Variants in RPS9 observed in about 807,000 individuals in gnomAD.
RPS9 encodes small ribosomal subunit protein uS4.
In RPS9, 1 loss-of-function variant was observed where a neutral mutation model predicts 16.9. The observed-to-expected ratio is 0.06, with a 90% CI of 0.02 to 0.28. The LOEUF (loss-of-function observed/expected upper bound fraction) is 0.28. RPS9 is among the 10% of genes least tolerant of loss of function. The pLI is 1.00. For missense variants in RPS9, 137 were observed against 273.2 expected (o/e 0.50, Z 3.51); for synonymous variants, 106 against 110.9 (o/e 0.96, Z 0.28).
intron 3 of RPS9, among the ~76,000 whole-genome samples, chr19:54,205,351 G>GT (rs752683639): frequency 3.8e-5 from 5 of 130,808 alleles, no homozygotes; most frequent in Non-Finnish European, 8.9e-5. Context: ...GAAAGGTGTA[G>GT]TAGGGCATCT....
At chr19:54,201,418 C>T in intron 2 of RPS9, 69 bp from the exon 3 acceptor site, 4 of 1,609,154 alleles carry the variant, frequency 2.5e-6, no homozygotes, top group Non-Finnish European at 3.4e-6. Context: ...TTTGTGATTC[C>T]AAAGCTGCCA....
At chr19:54,203,132 T>C (rs888617813) in intron 3 of RPS9, 2 of 966,564 alleles carry the variant, frequency 2.1e-6, no homozygotes, top group Non-Finnish European at 2.5e-6. Flanking sequence ...TAGCTGGTTC[T>C]GGTTTTAGGG....
intron 4 of RPS9, chr19:54,207,031 T>C (rs547975135): frequency 1.8e-4 from 77 of 438,786 alleles, no homozygotes; most frequent in South Asian, 1.2e-3. Context: ...TGCTGTGTTA[T>C]TGTGGGCATT....
chr19:54,207,455 G>A lies in RPS9; in HGVS notation c.465G>A (p.Lys155=). ...TCATTGTCCGCCTGGATTCCCAGAA[G>A]CACATCGACTTCTCTCTGCGCTCTC... The part of the protein sequence containing the change: ...PSFIVRLDSQ[K]HIDFSLRSPY... The change falls in exon 5 of 5, where the codon AAG becomes AAA. Residue 155 remains lysine, a synonymous_variant. Transcript: ENST00000302907. The A allele has an allele frequency of 2.5e-6, 4 of 1,613,848 alleles. No homozygotes were observed. The highest frequency in any genetic ancestry group is 3.4e-6 in the Non-Finnish European group (4 of 1,179,994).
chr19:54,207,163 C>G, intron 4 of RPS9: 3 of 542,320 alleles, frequency 5.5e-6, no homozygotes, highest in South Asian at 5.2e-5. Context: ...GGGATACTTT[C>G]GGATTTCTCC....
intron 1 of RPS9, 112 bp from the exon 2 acceptor site, chr19:54,201,048 T>A: frequency 6.7e-7 from 1 of 1,496,450 alleles, no homozygotes; most frequent in Non-Finnish European, 8.9e-7. Context: ...TATGAGAGCG[T>A]TGGAGGTTAT....
chr19:54,201,931 T>TA, intron 3 of RPS9: 1 of 334,812 alleles, frequency 3.0e-6, no homozygotes, highest in South Asian at 7.0e-5. Context: ...TGGATGAGAG[T>TA]AGACTATGAA....
At chr19:54,202,228 A>G (rs1481179899) in intron 3 of RPS9, among the ~76,000 whole-genome samples, 1 of 151,970 alleles carries the variant, frequency 6.6e-6, no homozygotes, top group Non-Finnish European at 1.5e-5. Context: ...TCCATTGCCC[A>G]TGCTGGAGTG....
intron 1 of RPS9, 70 bp downstream of exon 1, chr19:54,200,958 A>T: frequency 7.1e-6 from 10 of 1,410,360 alleles, no homozygotes; most frequent in East Asian, 2.6e-5. Flanking sequence ...CCGAGTTTCC[A>T]TGAGTAAGCT....
chr19:54,207,485 C>T lies in RPS9; in HGVS notation c.495C>T (p.Tyr165=), dbSNP rs367662884. The change falls in exon 5 of 5, where the codon TAC becomes TAT. Residue 165 remains tyrosine, a synonymous_variant. Coordinates refer to ENST00000302907, the MANE Select transcript of RPS9 (RefSeq NM_001013.4). Reference sequence around the variant, plus strand: ...TCGACTTCTCTCTGCGCTCTCCCTACGGGGGTGGCCGCCCGGGCCGCGTGA... The same window carrying T: ...TCGACTTCTCTCTGCGCTCTCCCTATGGGGGTGGCCGCCCGGGCCGCGTGA... ...KHIDFSLRSP[Y]GGGRPGRVKR... is the part of the protein sequence containing the mutation. 17 of 1,613,392 alleles carry T rather than the reference C, an allele frequency of 1.1e-5. No individual in the cohort carries two copies. Among genetic ancestry groups the T allele is most frequent in the South Asian group, 6.6e-5 (6 of 91,040 alleles).
At chr19:54,202,419 G>A (rs1214807932) in intron 3 of RPS9, 1 of 984,802 alleles carries the variant, frequency 1.0e-6, no homozygotes, top group Non-Finnish European at 1.2e-6. Flanking sequence ...TTTTTAAGCT[G>A]GTCAAGGACA....
chr19:54,207,569 G>C lies in RPS9; in HGVS notation c.579G>C (p.Glu193Asp), dbSNP rs754474712. Residue 193 changes from glutamate (E) to aspartate (D), a missense_variant, in exon 5 of 5, where the codon GAG becomes GAC. Around this residue, in one of 3 missense-constraint regions of RPS9, gnomAD observed 19 missense variants for 18.2 expected, o/e 1.04. Coordinates refer to ENST00000302907, the MANE Select transcript of RPS9 (RefSeq NM_001013.4). ...GGAGAGDDEE[E>D]D ...CTGGGGCTGGAGACGACGAGGAGGA[G>C]GATTAAGTCCACCTGTCCCTCCTGG... The C allele has an allele frequency of 3.1e-6, 5 of 1,608,636 alleles. No individual in the cohort carries two copies. Among genetic ancestry groups the C allele is most frequent in the Non-Finnish European group, 3.4e-6 (4 of 1,177,948 alleles).
In RPS9 at chr19:54,201,154, G is replaced by T. The variant is rs1370589100; in HGVS notation, c.-25-6G>T. 1 of 1,612,706 alleles carries T rather than the reference G, an allele frequency of 6.2e-7. No individual in the cohort carries two copies. The highest frequency in any genetic ancestry group is 8.5e-7 in the Non-Finnish European group (1 of 1,179,888). On this transcript the variant is annotated splice_region_variant and splice_polypyrimidine_tract_variant and intron_variant, in intron 1 of 4. Transcript: ENST00000302907. The stretch of plus-strand genomic sequence containing the variant: ...TCCCTTACGCTCACACTTCTCTCCC[G>T]CGCAGGCGCAGACGGGGAAGCGGAG...
intron 2 of RPS9, 22 bp from the exon 3 acceptor site, chr19:54,201,465 T>A (rs753575348): frequency 6.2e-7 from 1 of 1,613,990 alleles, no homozygotes. Context: ...ACTACACTTG[T>A]CCACCCCCTT....
At chr19:54,205,551 C>T (rs2077212411) in intron 3 of RPS9, among the ~76,000 whole-genome samples, 1 of 152,008 alleles carries the variant, frequency 6.6e-6, no homozygotes, top group Non-Finnish European at 1.5e-5. Flanking sequence ...GATTCAATCT[C>T]ACATCTGCTT....
chr19:54,201,721 C>G (rs1485118973), intron 3 of RPS9, 112 bp downstream of exon 3: 3 of 1,505,074 alleles, frequency 2.0e-6, no homozygotes, highest in African/African-American at 1.4e-5. Flanking sequence ...ATAAATGGAA[C>G]CAGCCTTCTA....
At chr19:54,202,001 G>A (rs757172056) in intron 3 of RPS9, 1 of 191,416 alleles carries the variant, frequency 5.2e-6, no homozygotes, top group African/African-American at 2.3e-5. Flanking sequence ...TTGGTTTATT[G>A]TTTTTTTAAT....
intron 3 of RPS9, chr19:54,202,524 GA>G (rs779101796): frequency 8.2e-6 from 8 of 978,062 alleles, no homozygotes; most frequent in Non-Finnish European, 9.7e-6. Context: ...AGGGCATGCA[GA>G]TCACATAGAC....
chr19:54,204,888 T>C (rs2077188549), intron 3 of RPS9, among the ~76,000 whole-genome samples: 1 of 152,210 alleles, frequency 6.6e-6, no homozygotes, highest in South Asian at 2.1e-4. Context: ...GAAGCCATAG[T>C]ATGACATAGG....
Sources: allele counts gnomAD v4.1 joint callset (sites outside exome capture counted in the v4.1 genomes callset), GRCh38; gene constraint gnomAD v4.1.1; regional missense constraint gnomAD v4.1.1; transcripts MANE v1.5; gene names NCBI Gene and HGNC (gene_info 2026-07-23, HGNC 2026-07-21).